The following FARS2 variants were observed in gnomAD, a reference collection of about 807,000 sequenced individuals.
FARS2 encodes the protein phenylalanine--tRNA ligase, mitochondrial.
In FARS2, 40 loss-of-function variants were observed where a neutral mutation model predicts 46.4. That is an observed-to-expected ratio of 0.86 (90% CI 0.67 to 1.12). FARS2 has a LOEUF of 1.12. FARS2 is among the 50% of genes most tolerant of loss of function. The probability of loss-of-function intolerance (pLI) is 0.00; values close to 1 mark genes in which losing one functional copy is unlikely to be tolerated. For synonymous variants in FARS2, 234 were observed against 214.9 expected, an observed-to-expected ratio of 1.09 and a Z score of -0.78; for missense variants, 513 against 567.9, an observed-to-expected ratio of 0.90 and a Z score of 0.98.
intron 6 of FARS2, among the ~76,000 whole-genome samples, chr6:5,724,359 T>TA (rs1271150864): frequency 6.6e-6 from 1 of 152,208 alleles, no homozygotes; most frequent in Non-Finnish European, 1.5e-5. Flanking sequence ...GGGACTCCGT[T>TA]GCTGGAGCCA....
chr6:5,285,417 C>T (rs116174249), intron 1 of FARS2, among the ~76,000 whole-genome samples: 1,777 of 152,248 alleles, frequency 0.012, 29 homozygotes, highest in African/African-American at 0.04. Context: ...GGAGAATAGA[C>T]ATTTTAAGTC....
chr6:5,660,016 C>A (rs1777778633), intron 6 of FARS2, among the ~76,000 whole-genome samples: 1 of 152,198 alleles, frequency 6.6e-6, no homozygotes, highest in South Asian at 2.1e-4. Flanking sequence ...GAGACTGTGT[C>A]CCACCTGTGT....
chr6:5,680,194 G>A (rs1381771301), intron 6 of FARS2, among the ~76,000 whole-genome samples: 2 of 152,238 alleles, frequency 1.3e-5, no homozygotes, highest in Non-Finnish European at 2.9e-5. Flanking sequence ...GAGCACTTGT[G>A]TGTGCTTGGA....
chr6:5,645,477 A>G (rs1777030776), intron 6 of FARS2, among the ~76,000 whole-genome samples: 1 of 152,204 alleles, frequency 6.6e-6, no homozygotes, highest in African/African-American at 2.4e-5. Flanking sequence ...CCCCACACAC[A>G]GTCGGGCCAG....
chr6:5,367,467 G>T (rs1758759049), intron 1 of FARS2, among the ~76,000 whole-genome samples: 2 of 152,132 alleles, frequency 1.3e-5, no homozygotes, highest in South Asian at 4.2e-4. Flanking sequence ...TTCTGTGGCA[G>T]TGGGAAGAAG....
chr6:5,509,964 A>G (rs942878805), intron 4 of FARS2, among the ~76,000 whole-genome samples: 2 of 152,040 alleles, frequency 1.3e-5, no homozygotes, highest in African/African-American at 4.8e-5. Flanking sequence ...GGAGCTCTTT[A>G]TGGTGGTGTT....
At chr6:5,755,457 G>C (rs1276418865) in intron 6 of FARS2, among the ~76,000 whole-genome samples, 1 of 152,022 alleles carries the variant, frequency 6.6e-6, no homozygotes, top group Non-Finnish European at 1.5e-5. Context: ...TTCTGTTCTT[G>C]TGTTAGTTTG....
chr6:5,674,793 A>G (rs1778673226), intron 6 of FARS2, among the ~76,000 whole-genome samples: 1 of 152,182 alleles, frequency 6.6e-6, no homozygotes, highest in South Asian at 2.1e-4. Context: ...CCAGTTACCA[A>G]CATTATAAAA....
At position 5,525,569 on chromosome 6, in the gene FARS2, T is replaced by G. The variant is rs184846752; in HGVS notation, c.905-19611T>G. Among the ~76,000 whole-genome samples, 4 of 152,224 alleles carry G rather than the reference T, an allele frequency of 2.6e-5. No homozygotes were observed. In the South Asian group the frequency reaches 6.2e-4, roughly 24 times the overall value. ...ATGTGCCCTCCAGTAGCAAACACTT[T>G]GTTAGAGTTAAGTCTTATAAAGAAA... is the stretch of plus-strand genomic sequence containing the variant. On this transcript the variant is annotated intron_variant, in intron 4 of 6. Coordinates refer to ENST00000274680, the MANE Select transcript of FARS2 (RefSeq NM_006567.5).
At position 5,472,737 on chromosome 6, in the gene FARS2, T is replaced by C. The variant is rs531357860; in HGVS notation, c.904+41565T>C. On this transcript the variant is annotated intron_variant, in intron 4 of 6. Coordinates refer to ENST00000274680, the MANE Select transcript of FARS2 (RefSeq NM_006567.5). ...GTAAGAGCTTAGCAGGCACCAGACA[T>C]AGCATGTCATGAATCCCCTTATGTA... Among the ~76,000 whole-genome samples the C allele has an allele frequency of 7.9e-4, 120 of 152,278 alleles. 1 individual carries two copies. Among genetic ancestry groups the C allele is most frequent in the African/African-American group, 2.8e-3 (118 of 41,560 alleles).
At chr6:5,439,069 C>T (rs942265499) in intron 4 of FARS2, among the ~76,000 whole-genome samples, 4 of 152,126 alleles carry the variant, frequency 2.6e-5, no homozygotes, top group Admixed American at 2.6e-4. Flanking sequence ...GTGGGACCTG[C>T]TTCCTAGGGG....
At chr6:5,679,672 A>AGT (rs1778934772) in intron 6 of FARS2, among the ~76,000 whole-genome samples, 1 of 152,220 alleles carries the variant, frequency 6.6e-6, no homozygotes, top group Non-Finnish European at 1.5e-5. Context: ...ACAGTTTATC[A>AGT]GTGATTCATC....
intron 1 of FARS2, among the ~76,000 whole-genome samples, chr6:5,279,768 A>G (rs1358659651): frequency 1.3e-5 from 2 of 152,112 alleles, no homozygotes; most frequent in Non-Finnish European, 2.9e-5. Context: ...CCAGCTTGAA[A>G]GACAGGCAAA....
intron 4 of FARS2, among the ~76,000 whole-genome samples, chr6:5,467,901 G>A (rs1262821108): frequency 1.3e-5 from 2 of 152,124 alleles, no homozygotes. Flanking sequence ...GATGAACTAT[G>A]TTTCAAAACA....
chr6:5,627,728 G>A (rs937053807), intron 6 of FARS2, among the ~76,000 whole-genome samples: 8 of 152,186 alleles, frequency 5.3e-5, no homozygotes, highest in Admixed American at 4.6e-4. Flanking sequence ...TATTTTTGAT[G>A]AATTAATGAT....
chr6:5,296,129 C>CTTTTTTTTTTT (rs70974187), intron 1 of FARS2, among the ~76,000 whole-genome samples: 4 of 55,072 alleles, frequency 7.3e-5, no homozygotes, highest in African/African-American at 1.8e-4. Context: ...TCATTTTGGC[C>CTTTTTTTTTTT]TTTTTTTTTT....
chr6:5,764,956 G>A lies in FARS2; in HGVS notation c.1218-6335G>A, dbSNP rs1762673542. ...AGTGACACTCTTGGCAGTGCTTTTG[G>A]TACTTGTTAGTTGTATCACTTAAGT... On this transcript the variant is annotated intron_variant, in intron 6 of 6. Coordinates refer to ENST00000274680, the MANE Select transcript of FARS2 (RefSeq NM_006567.5). This position sits in a 1 kb window ranked among gnomAD's most constrained non-coding sequence, Gnocchi z 4.1. Among the ~76,000 whole-genome samples, 1 of 152,184 alleles carries A rather than the reference G, an allele frequency of 6.6e-6. No homozygotes were observed. Among genetic ancestry groups the A allele is most frequent in the African/African-American group, 2.4e-5 (1 of 41,434 alleles).
chr6:5,548,600 C>T (rs1771181840), intron 5 of FARS2, among the ~76,000 whole-genome samples: 1 of 152,158 alleles, frequency 6.6e-6, no homozygotes, highest in South Asian at 2.1e-4. Context: ...AGAACACCAA[C>T]ATCGTGTAGA....
intron 4 of FARS2, among the ~76,000 whole-genome samples, chr6:5,530,553 T>G (rs905069283): frequency 2.0e-5 from 3 of 151,548 alleles, no homozygotes; most frequent in Non-Finnish European, 4.4e-5. Flanking sequence ...TAAGAGAATA[T>G]CTTTGTTCTT....
Sources: gnomAD v4.1 joint callset for allele counts (sites outside exome capture counted in the v4.1 genomes callset) on GRCh38, gnomAD v4.1.1 for gene constraint, Gnocchi (gnomAD v3.1) non-coding constraint, MANE v1.5 for transcripts, NCBI Gene and HGNC (gene_info 2026-07-23, HGNC 2026-07-21) for gene names.